The following EFCAB5 variants were observed in gnomAD, a reference collection of about 807,000 sequenced individuals.
EFCAB5 encodes the protein EF-hand calcium-binding domain-containing protein 5.
A neutral mutation model predicts 167.9 loss-of-function variants in EFCAB5; 131 were observed. The observed-to-expected ratio is 0.78, with a 90% CI of 0.68 to 0.90. The LOEUF (loss-of-function observed/expected upper bound fraction) is 0.90, where lower values mean the gene tolerates loss of function less well. Among genes scored for constraint, EFCAB5 ranks in the 40% least tolerant of loss-of-function variants. EFCAB5 has a pLI of 0.00. For synonymous variants in EFCAB5, 574 were observed against 602.8 expected (o/e 0.95, Z 0.70); for missense variants, 1,663 against 1,745.2 (o/e 0.95, Z 0.84).
At chr17:29,966,793 T>C (rs555134927) in intron 3 of EFCAB5, among the ~76,000 whole-genome samples, 1 of 152,296 alleles carries the variant, frequency 6.6e-6, no homozygotes, top group South Asian at 2.1e-4. Flanking sequence ...CATAAATTAT[T>C]TGGACTATTT....
chr17:30,098,267 G>A (rs2071331754), intron 22 of EFCAB5, among the ~76,000 whole-genome samples: 1 of 150,560 alleles, frequency 6.6e-6, no homozygotes, highest in African/African-American at 2.4e-5. Flanking sequence ...GCTCATGCCT[G>A]TAATCCCAGC....
At chr17:30,083,850 G>A (rs1182788786) in intron 18 of EFCAB5, among the ~76,000 whole-genome samples, 1 of 152,240 alleles carries the variant, frequency 6.6e-6, no homozygotes, top group Non-Finnish European at 1.5e-5. Flanking sequence ...TATGGGTGGA[G>A]TGGGAAGGGA....
At chr17:29,933,918 G>T (rs1240695790) in intron 1 of EFCAB5, among the ~76,000 whole-genome samples, 1 of 152,016 alleles carries the variant, frequency 6.6e-6, no homozygotes, top group Non-Finnish European at 1.5e-5. Context: ...CAGCACACTG[G>T]GATAAATTAA....
chr17:30,031,859 A>G (rs1251772831), intron 7 of EFCAB5: 2 of 151,828 alleles, frequency 1.3e-5, no homozygotes, highest in Admixed American at 6.6e-5. Context: ...CTATCTCTAC[A>G]CACACACATT....
chr17:30,080,810 G>A lies in EFCAB5; in HGVS notation c.3255G>A (p.Gly1085=), dbSNP rs774923496. ...PIHVPQVQYH[G]NIFFWNQSRN... is the part of the protein sequence containing the mutation. ...ATGTTCCCCAAGTTCAGTACCATGG[G>A]AACATCTTCTTCTGGAACCAGTCCC... Residue 1085 remains glycine (G), a synonymous_variant, in exon 17 of 23, where the codon GGG becomes GGA. Coordinates refer to ENST00000394835, the MANE Select transcript of EFCAB5 (RefSeq NM_198529.4). The A allele has an allele frequency of 7.4e-6, 12 of 1,613,102 alleles. No individual in the cohort carries two copies. The South Asian group carries it at 9.9e-5, about 13-fold the overall frequency.
intron 3 of EFCAB5, among the ~76,000 whole-genome samples, chr17:29,944,646 G>C (rs868217921): frequency 7.7e-4 from 110 of 142,254 alleles, no homozygotes; most frequent in African/African-American, 2.1e-3. Context: ...TTTTTGAGAC[G>C]AAGTTTTGCG....
At chr17:30,093,001 T>C (rs1298760341) in intron 22 of EFCAB5, 65 bp downstream of exon 22, 50 of 1,326,710 alleles carry the variant, frequency 3.8e-5, no homozygotes, top group Non-Finnish European at 5.0e-5. Context: ...TTGTGATTTT[T>C]ATTAGGATAA....
chr17:30,084,499 A>G (rs901309151), intron 18 of EFCAB5, among the ~76,000 whole-genome samples: 3 of 152,136 alleles, frequency 2.0e-5, no homozygotes, highest in African/African-American at 7.2e-5. Flanking sequence ...CCAGGGTCAC[A>G]CCCCATCTGA....
At chr17:30,056,004 G>A (rs1187460166) in intron 11 of EFCAB5, 39 bp downstream of exon 11, 1 of 1,613,136 alleles carries the variant, frequency 6.2e-7, no homozygotes, top group Non-Finnish European at 8.5e-7. Flanking sequence ...TTATACCCTA[G>A]AACAAAAATA....
At chr17:29,966,331 T>C (rs1265904374) in intron 3 of EFCAB5, among the ~76,000 whole-genome samples, 5 of 152,076 alleles carry the variant, frequency 3.3e-5, no homozygotes, top group Non-Finnish European at 7.3e-5. Flanking sequence ...ATAAGATTAA[T>C]ATTAAATGTT....
intron 9 of EFCAB5, among the ~76,000 whole-genome samples, chr17:30,051,591 T>C (rs1004094216): frequency 1.3e-5 from 2 of 152,162 alleles, no homozygotes; most frequent in Non-Finnish European, 2.9e-5. Context: ...AGTCTTACTC[T>C]TCTCACCCAG....
chr17:29,994,151 TA>T (rs2068490032), intron 5 of EFCAB5, among the ~76,000 whole-genome samples: 1 of 127,418 alleles, frequency 7.8e-6, no homozygotes, highest in Non-Finnish European at 1.6e-5. Flanking sequence ...TATATATATA[TA>T]TATATATATA....
chr17:30,054,014 C>G lies in EFCAB5; in HGVS notation c.2060C>G (p.Pro687Arg). Residue 687 changes from proline (P) to arginine (R), a missense_variant, in exon 10 of 23, where the codon CCT becomes CGT. By Grantham distance (103) the Pro-to-Arg change is moderately radical. Transcript: ENST00000394835. ...SILKSTKYGE[P>R]ITSEYIEVPL... ...TTAAAAAGTACAAAATATGGGGAAC[C>G]TATAACCTCTGAGTACATTGAAGTC... is the stretch of plus-strand genomic sequence containing the variant. 6.2e-7 allele frequency: 1 copy of G among 1,609,620 alleles called. No homozygotes were observed.
chr17:30,027,048 G>T, intron 7 of EFCAB5, among the ~76,000 whole-genome samples: 1 of 118,956 alleles, frequency 8.4e-6, no homozygotes. Context: ...GTGCAGTGGC[G>T]CAATCTCAGC....
At chr17:29,965,393 G>A (rs2067808100) in intron 3 of EFCAB5, among the ~76,000 whole-genome samples, 1 of 152,032 alleles carries the variant, frequency 6.6e-6, no homozygotes, top group Non-Finnish European at 1.5e-5. Context: ...TCATTAAAGA[G>A]CAGATATTTT....
chr17:30,070,445 A>G (rs530346491), intron 14 of EFCAB5, among the ~76,000 whole-genome samples: 25 of 152,342 alleles, frequency 1.6e-4, no homozygotes, highest in Non-Finnish European at 3.2e-4. Context: ...AAAATATACT[A>G]CAAATGTCTA....
In EFCAB5 at chr17:30,084,036, T is replaced by C. The variant is rs540341216; in HGVS notation, c.3579+993T>C. The stretch of plus-strand genomic sequence containing the variant: ...GGTTTTTCCTTTCAGAAAGGCTGAA[T>C]GACTCTGGGAGGTGCTTGGTTGGGT... On this transcript the variant is annotated intron_variant, in intron 18 of 22. Coordinates refer to ENST00000394835, the MANE Select transcript of EFCAB5 (RefSeq NM_198529.4). 3.3e-5 allele frequency among the ~76,000 whole-genome samples: 5 copies of C among 152,334 alleles called. No homozygotes were observed. The South Asian group carries it at 1.0e-3, about 32-fold the overall frequency.
intron 7 of EFCAB5, chr17:30,031,913 C>A (rs2069490495): frequency 6.6e-6 from 1 of 151,458 alleles, no homozygotes; most frequent in African/African-American, 2.4e-5. Context: ...ACCTGTAGTC[C>A]CAGCAACTCA....
Position 30,057,040 on chromosome 17 carries a change from C to G in EFCAB5, c.2366-636C>G, listed in dbSNP as rs577846538. On this transcript the variant is annotated intron_variant, in intron 12 of 22. Transcript: ENST00000394835. ...CTTTGCTGACATTTTATGAAATATA[C>G]TTCATACTGTACTATTGAGCTAAAA... Among the ~76,000 whole-genome samples, 264 of 152,194 alleles carry G rather than the reference C, an allele frequency of 1.7e-3. 2 individuals carry two copies. The highest frequency in any genetic ancestry group is 3.3e-3 in the South Asian group (16 of 4,826).
Sources: gnomAD v4.1 joint callset for allele counts (sites outside exome capture counted in the v4.1 genomes callset) on GRCh38, gnomAD v4.1.1 for gene constraint, MANE v1.5 for transcripts, NCBI Gene and HGNC (gene_info 2026-07-23, HGNC 2026-07-21) for gene names.